Variants in NUP210L observed in about 807,000 individuals in gnomAD.
NUP210L encodes the protein nucleoporin 210 like.
Under a neutral mutation model 208.5 loss-of-function variants are expected in NUP210L, and 74 were observed. The ratio of observed to expected loss-of-function variants is 0.35; its 90% CI spans 0.29 to 0.43. NUP210L has a LOEUF of 0.43. NUP210L is among the 20% of genes least tolerant of loss of function. The probability of loss-of-function intolerance (pLI) is 1.00; values close to 1 mark genes in which losing one functional copy is unlikely to be tolerated. For synonymous variants in NUP210L, 780 were observed against 816.9 expected (o/e 0.95, Z 0.77); for missense variants, 1,843 against 2,289.4 (o/e 0.81, Z 3.98).
intron 13 of NUP210L, among the ~76,000 whole-genome samples, chr1:154,102,685 A>G (rs1656528634): frequency 6.6e-6 from 1 of 152,220 alleles, no homozygotes; most frequent in Non-Finnish European, 1.5e-5. Flanking sequence ...TACTGTCATT[A>G]TATTGATGAA....
intron 12 of NUP210L, among the ~76,000 whole-genome samples, chr1:154,117,258 T>G (rs1657376238): frequency 6.6e-6 from 1 of 152,182 alleles, no homozygotes; most frequent in South Asian, 2.1e-4. Context: ...TGAAGCAAGA[T>G]TCAACCTAGT....
chr1:154,112,282 T>A (rs1262825017), intron 12 of NUP210L, among the ~76,000 whole-genome samples: 1 of 152,088 alleles, frequency 6.6e-6, no homozygotes, highest in Non-Finnish European at 1.5e-5. Flanking sequence ...TGCTCACTCC[T>A]GTAATCCTAA....
chr1:154,105,500 A>G (rs1446271018), intron 12 of NUP210L, among the ~76,000 whole-genome samples: 1 of 149,790 alleles, frequency 6.7e-6, no homozygotes, highest in East Asian at 2.0e-4. Context: ...AAAAAAAAAG[A>G]GCCCTTGGGC....
intron 32 of NUP210L, 56 bp from the exon 33 acceptor site, chr1:154,019,125 G>T: frequency 1.9e-6 from 3 of 1,572,922 alleles, no homozygotes; most frequent in African/African-American, 1.4e-5. Flanking sequence ...AATCACTCTG[G>T]ACTTATTCAT....
chr1:154,087,063 T>A (rs1655657589), intron 16 of NUP210L, among the ~76,000 whole-genome samples: 2 of 152,118 alleles, frequency 1.3e-5, no homozygotes, highest in African/African-American at 4.8e-5. Context: ...CTCACGCCTG[T>A]AATCCCAGCA....
intron 20 of NUP210L, among the ~76,000 whole-genome samples, chr1:154,058,947 G>C (rs1654007697): frequency 6.6e-6 from 1 of 152,176 alleles, no homozygotes; most frequent in South Asian, 2.1e-4. Flanking sequence ...CCAGCACTTT[G>C]GGAGGCTGAG....
At chr1:154,065,516 A>G (rs1654358732) in intron 17 of NUP210L, among the ~76,000 whole-genome samples, 1 of 152,222 alleles carries the variant, frequency 6.6e-6, no homozygotes, top group African/African-American at 2.4e-5. Flanking sequence ...AAGGAAAACT[A>G]CCTTCACATT....
At chr1:154,076,231 G>A (rs1655031870) in intron 16 of NUP210L, among the ~76,000 whole-genome samples, 1 of 150,526 alleles carries the variant, frequency 6.6e-6, no homozygotes, top group South Asian at 2.1e-4. Flanking sequence ...AGCCTCCCTA[G>A]TAGCTGGGAC....
chr1:154,094,849 A>T, intron 15 of NUP210L, 86 bp downstream of exon 15: 1 of 971,452 alleles, frequency 1.0e-6, no homozygotes, highest in Non-Finnish European at 1.6e-6. Flanking sequence ...AACTAAATTC[A>T]GCAGAATCTG....
chr1:154,040,397 AAAAG>A (rs1350193366), intron 27 of NUP210L, among the ~76,000 whole-genome samples: 2 of 151,930 alleles, frequency 1.3e-5, no homozygotes, highest in South Asian at 2.1e-4. Flanking sequence ...AAAAGAAGAA[AAAAG>A]AAAGAATAAA....
chr1:154,013,630 CTG>C (rs1466373173), intron 33 of NUP210L, among the ~76,000 whole-genome samples: 2 of 152,062 alleles, frequency 1.3e-5, no homozygotes, highest in African/African-American at 4.8e-5. Context: ...AAAAAAACAA[CTG>C]CAACTTTCTT....
chr1:154,022,086 A>G (rs374856554), intron 32 of NUP210L, 40 bp downstream of exon 32: 11 of 1,494,690 alleles, frequency 7.4e-6, no homozygotes, highest in Non-Finnish European at 1.0e-5. Context: ...AATCCCCACA[A>G]CTATCAATTG....
chr1:153,996,794 T>G (rs1039710768), intron 37 of NUP210L, among the ~76,000 whole-genome samples: 1 of 151,424 alleles, frequency 6.6e-6, no homozygotes, highest in African/African-American at 2.4e-5. Flanking sequence ...TGTCATTTTT[T>G]GGGAGCACTC....
At chr1:154,149,495 G>A (rs1185797543) in intron 2 of NUP210L, among the ~76,000 whole-genome samples, 1 of 152,152 alleles carries the variant, frequency 6.6e-6, no homozygotes, top group Non-Finnish European at 1.5e-5. Context: ...AGGATTGCTT[G>A]AGCCCAGGAG....
chr1:154,120,428 G>A (rs574578545), intron 10 of NUP210L, among the ~76,000 whole-genome samples: 2 of 152,126 alleles, frequency 1.3e-5, no homozygotes, highest in East Asian at 1.9e-4. Context: ...ATTGAACAAT[G>A]AGAACACTTG....
chr1:154,113,109 A>C lies in NUP210L; in HGVS notation c.1620+4616T>G, dbSNP rs1256821707. On this transcript the variant is annotated intron_variant, in intron 12 of 39. Coordinates refer to ENST00000368559, the Ensembl canonical transcript of NUP210L. The stretch of plus-strand genomic sequence containing the variant: ...GAGATGGAGGTTGTAATGAGCTGAG[A>C]GTGTACCACTGCACTCCAGCCGGGG... Among the ~76,000 whole-genome samples the C allele has an allele frequency of 7.3e-5, 11 of 150,496 alleles. No homozygotes were observed. In the Admixed American group the frequency reaches 7.3e-4, roughly 10 times the overall value.
chr1:154,077,220 C>A (rs935694183), intron 16 of NUP210L, among the ~76,000 whole-genome samples: 38 of 151,678 alleles, frequency 2.5e-4, no homozygotes, highest in African/African-American at 8.2e-4. Flanking sequence ...ACTAAAAATC[C>A]AAAAAATTAG....
At chr1:154,088,282 T>C (rs764289063) in intron 16 of NUP210L, among the ~76,000 whole-genome samples, 8 of 151,156 alleles carry the variant, frequency 5.3e-5, no homozygotes, top group Non-Finnish European at 1.0e-4. Flanking sequence ...AGGTGGCAGA[T>C]GGTGCCATGT....
intron 2 of NUP210L, among the ~76,000 whole-genome samples, chr1:154,148,014 C>T (rs555771252): frequency 1.4e-5 from 2 of 145,936 alleles, no homozygotes; most frequent in East Asian, 4.3e-4. Context: ...AATCCCAGCA[C>T]TCTGGGGGGC....
Sources: gnomAD v4.1 joint callset for allele counts (sites outside exome capture counted in the v4.1 genomes callset) on GRCh38, gnomAD v4.1.1 for gene constraint, MANE v1.5 for transcripts, NCBI Gene and HGNC (gene_info 2026-07-23, HGNC 2026-07-21) for gene names.